The following SPATA17 variants were observed in gnomAD, a reference collection of about 807,000 sequenced individuals.
SPATA17 encodes spermatogenesis-associated protein 17.
A neutral mutation model predicts 62.2 loss-of-function variants in SPATA17; 53 were observed. The ratio of observed to expected loss-of-function variants is 0.85; its 90% CI spans 0.68 to 1.07. SPATA17 has a LOEUF of 1.07. Ranked by LOEUF, SPATA17 falls within the 50% of genes least tolerant of loss-of-function variation. The probability of loss-of-function intolerance (pLI) is 0.00; values close to 1 mark genes in which losing one functional copy is unlikely to be tolerated. For missense variants in SPATA17, 466 were observed against 425.5 expected (o/e 1.10, Z -0.84); for synonymous variants, 146 against 146.8 (o/e 0.99, Z 0.04).
chr1:217,856,935 G>C (rs1675799473), intron 9 of SPATA17, among the ~76,000 whole-genome samples: 1 of 152,168 alleles, frequency 6.6e-6, no homozygotes, highest in Non-Finnish European at 1.5e-5. Flanking sequence ...ACCAGACTTA[G>C]TTGAAGTCTC....
chr1:217,790,642 G>GTTAGCCAGGA (rs1673975104), intron 8 of SPATA17, among the ~76,000 whole-genome samples: 1 of 151,570 alleles, frequency 6.6e-6, no homozygotes. Context: ...GGGTTTCACC[G>GTTAGCCAGGA]TGGTCTCAAT....
intron 6 of SPATA17, among the ~76,000 whole-genome samples, chr1:217,768,518 A>T (rs1196928826): frequency 6.3e-5 from 9 of 143,656 alleles, no homozygotes; most frequent in Admixed American, 1.4e-4. Flanking sequence ...TTAAGACGGA[A>T]TTTCACACTG....
chr1:217,838,060 T>C (rs772493149), intron 9 of SPATA17, among the ~76,000 whole-genome samples: 11 of 152,172 alleles, frequency 7.2e-5, no homozygotes, highest in Non-Finnish European at 1.3e-4. Context: ...ATTTTTATAT[T>C]AGTGGCATGT....
chr1:217,796,813 G>C (rs914159603), intron 8 of SPATA17, among the ~76,000 whole-genome samples: 1 of 152,096 alleles, frequency 6.6e-6, no homozygotes, highest in South Asian at 2.1e-4. Flanking sequence ...GGTTTACCTG[G>C]ACATTTAGGT....
intron 8 of SPATA17, among the ~76,000 whole-genome samples, chr1:217,786,673 G>A (rs1016601105): frequency 6.6e-6 from 1 of 152,060 alleles, no homozygotes; most frequent in African/African-American, 2.4e-5. Flanking sequence ...TAGATGCAGT[G>A]AAACCCATTA....
chr1:217,745,834 A>G (rs1222526415), intron 6 of SPATA17, among the ~76,000 whole-genome samples: 6 of 152,048 alleles, frequency 3.9e-5, no homozygotes. Context: ...AGGCCATCTC[A>G]CTGAAATTAA....
intron 5 of SPATA17, among the ~76,000 whole-genome samples, chr1:217,701,120 G>A (rs1671585692): frequency 6.7e-6 from 1 of 150,148 alleles, no homozygotes; most frequent in East Asian, 2.0e-4. Flanking sequence ...GACTGTAGGC[G>A]CACACCACCA....
intron 5 of SPATA17, among the ~76,000 whole-genome samples, chr1:217,727,329 T>G (rs1349170753): frequency 1.3e-5 from 2 of 150,990 alleles, no homozygotes; most frequent in African/African-American, 2.4e-5. Flanking sequence ...TCCTCTCAAT[T>G]AAAACTATTT....
At chr1:217,799,630 T>G (rs61825821) in intron 8 of SPATA17, among the ~76,000 whole-genome samples, 4,847 of 152,110 alleles carry the variant, frequency 0.032, 111 homozygotes, top group Middle Eastern at 0.062. Flanking sequence ...AAATATATTC[T>G]TAGGAAAAAT....
intron 5 of SPATA17, among the ~76,000 whole-genome samples, chr1:217,739,876 G>T (rs1011899906): frequency 6.6e-6 from 1 of 151,974 alleles, no homozygotes; most frequent in African/African-American, 2.4e-5. Context: ...TCAATAATTG[G>T]ATGAATTTAT....
chr1:217,822,247 TTTA>T (rs1031222401), intron 9 of SPATA17, among the ~76,000 whole-genome samples: 18 of 150,192 alleles, frequency 1.2e-4, no homozygotes, highest in African/African-American at 3.0e-4. Context: ...CTGAATATTT[TTTA>T]TTATCATTAA....
intron 9 of SPATA17, among the ~76,000 whole-genome samples, chr1:217,832,249 C>T (rs1415597704): frequency 6.6e-6 from 1 of 151,982 alleles, no homozygotes; most frequent in Non-Finnish European, 1.5e-5. Flanking sequence ...AGTAAGTTTC[C>T]ATGTTCATGG....
chr1:217,741,535 C>T (rs1159471946), intron 5 of SPATA17, among the ~76,000 whole-genome samples: 1 of 152,132 alleles, frequency 6.6e-6, no homozygotes, highest in Non-Finnish European at 1.5e-5. Context: ...AAACCTGTCA[C>T]ATTTTAAAAA....
At chr1:217,866,192 T>C (rs1452270638) in intron 10 of SPATA17, among the ~76,000 whole-genome samples, 1 of 152,188 alleles carries the variant, frequency 6.6e-6, no homozygotes, top group Non-Finnish European at 1.5e-5. Flanking sequence ...TTATTAAATT[T>C]TGTCATTCAG....
rs750665329 is a variant in SPATA17 at position 217,714,488 on chromosome 1, C to CTTTTTTTTTTTTTTTTTTTTTTTT, written c.396-27473_396-27472insTTTTTTTTTTTTTTTTTTTTTTTT. Among the ~76,000 whole-genome samples the CTTTTTTTTTTTTTTTTTTTTTTTT allele has an allele frequency of 6.6e-5, 8 of 121,430 alleles. 1 individual carries two copies. Among genetic ancestry groups the CTTTTTTTTTTTTTTTTTTTTTTTT allele is most frequent in the African/African-American group, 9.8e-5 (3 of 30,666 alleles). The allele number at this position is 121,430 out of a possible 152,430, so 79.7% of individuals were successfully genotyped here. ...TGAGTTGAACGTGGAAAACGTGTTT[C>CTTTTTTTTTTTTTTTTTTTTTTTT]TTTTTTTTTTTTTTGAGACAGAGTC... On this transcript the variant is annotated intron_variant, in intron 5 of 10. Transcript: ENST00000366933.
At chr1:217,819,717 T>C (rs1674813968) in intron 9 of SPATA17, among the ~76,000 whole-genome samples, 1 of 152,054 alleles carries the variant, frequency 6.6e-6, no homozygotes, top group Non-Finnish European at 1.5e-5. Context: ...TATAAGTAAC[T>C]TGAGATTTCT....
At chr1:217,845,266 C>G (rs1233635664) in intron 9 of SPATA17, among the ~76,000 whole-genome samples, 2 of 151,942 alleles carry the variant, frequency 1.3e-5, no homozygotes, top group African/African-American at 4.8e-5. Flanking sequence ...AATTTTTTCC[C>G]TCTTATCCCT....
intron 5 of SPATA17, among the ~76,000 whole-genome samples, chr1:217,699,843 C>G (rs2102918367): frequency 6.6e-6 from 1 of 152,156 alleles, no homozygotes; most frequent in Non-Finnish European, 1.5e-5. Context: ...GTCCATTCTA[C>G]ATTTGTTTGT....
intron 1 of SPATA17, among the ~76,000 whole-genome samples, chr1:217,643,982 C>A (rs181761300): frequency 2.2e-4 from 34 of 152,216 alleles, no homozygotes; most frequent in Admixed American, 3.9e-4. Flanking sequence ...CCCACCTCGG[C>A]CCCCAAAGTT....
Sources: gnomAD v4.1 joint callset for allele counts (sites outside exome capture counted in the v4.1 genomes callset) on GRCh38, gnomAD v4.1.1 for gene constraint, MANE v1.5 for transcripts, NCBI Gene and HGNC (gene_info 2026-07-23, HGNC 2026-07-21) for gene names.